MOCOS: variants seen among roughly 807,000 people sequenced by gnomAD.
MOCOS encodes the protein human molybdenum cofactor sulfurase.
A neutral mutation model predicts 83.6 loss-of-function variants in MOCOS; 86 were observed. The ratio of observed to expected loss-of-function variants is 1.03; its 90% CI spans 0.86 to 1.23. The LOEUF (loss-of-function observed/expected upper bound fraction) is 1.23, where lower values mean the gene tolerates loss of function less well. MOCOS is among the 50% of genes most tolerant of loss of function. MOCOS has a pLI of 0.00. For synonymous variants in MOCOS, 445 were observed against 434.7 expected (o/e 1.02, Z -0.29); for missense variants, 1,120 against 1,126.9 (o/e 0.99, Z 0.09).
At chr18:36,215,136 T>C (rs1437225880) in intron 7 of MOCOS, among the ~76,000 whole-genome samples, 1 of 152,200 alleles carries the variant, frequency 6.6e-6, no homozygotes, top group Non-Finnish European at 1.5e-5. Context: ...GTGATGTTTC[T>C]CCCATCTCAG....
intron 2 of MOCOS, among the ~76,000 whole-genome samples, chr18:36,197,969 T>C (rs2091396293): frequency 6.6e-6 from 1 of 152,220 alleles, no homozygotes; most frequent in South Asian, 2.1e-4. Context: ...TACAATTCTT[T>C]TGCTGGACAT....
chr18:36,264,310 G>T (rs182249058), intron 13 of MOCOS, among the ~76,000 whole-genome samples: 1 of 150,120 alleles, frequency 6.7e-6, no homozygotes, highest in Non-Finnish European at 1.5e-5. Flanking sequence ...TGCCTGTCGG[G>T]TGGCTGCTAG....
intron 9 of MOCOS, among the ~76,000 whole-genome samples, chr18:36,241,298 TG>T (rs2091581817): frequency 6.6e-6 from 1 of 152,130 alleles, no homozygotes; most frequent in South Asian, 2.1e-4. Context: ...CAAGATATAA[TG>T]GGGTACAATA....
At position 36,266,138 on chromosome 18, in the gene MOCOS, C is replaced by T. The variant is rs553455266; in HGVS notation, c.2410-611C>T. Among the ~76,000 whole-genome samples the T allele has an allele frequency of 3.2e-3, 484 of 152,098 alleles. 5 individuals carry two copies. Among genetic ancestry groups the T allele is most frequent in the Admixed American group, 4.9e-3 (75 of 15,274 alleles). The stretch of plus-strand genomic sequence containing the variant: ...CTCACAGGGGCCAGCGCTGGCTCTG[C>T]GACCTCCTCCTCCTCTTTCTTCTTT... On this transcript the variant is annotated intron_variant, in intron 13 of 14. Transcript: ENST00000261326.
chr18:36,242,102 T>C lies in MOCOS; in HGVS notation c.1961-6820T>C, dbSNP rs371898273. Among the ~76,000 whole-genome samples the C allele has an allele frequency of 4.2e-4, 64 of 152,378 alleles. 1 individual carries two copies. The highest frequency in any genetic ancestry group is 1.4e-3 in the African/African-American group (60 of 41,596). Reference sequence around the variant, plus strand: ...TTAACATTTGGCTCCTGGTTACTTATGCAAATTTCTACAGCAGCGTTGAAT... The same window carrying C: ...TTAACATTTGGCTCCTGGTTACTTACGCAAATTTCTACAGCAGCGTTGAAT... On this transcript the variant is annotated intron_variant, in intron 9 of 14. Coordinates refer to ENST00000261326, the MANE Select transcript of MOCOS (RefSeq NM_017947.4).
chr18:36,197,201 C>T (rs1401510938), intron 2 of MOCOS, among the ~76,000 whole-genome samples: 1 of 152,168 alleles, frequency 6.6e-6, no homozygotes, highest in African/African-American at 2.4e-5. Flanking sequence ...GGAAAGGCAT[C>T]AGCAGTGGTG....
In MOCOS at chr18:36,248,863, A is replaced by G; in HGVS notation, c.1961-59A>G. On this transcript the variant is annotated intron_variant, in intron 9 of 14. Coordinates refer to ENST00000261326, the MANE Select transcript of MOCOS (RefSeq NM_017947.4). ...ACTACAGCTTTGTAGTATATTTTGA[A>G]GTCAAGTAGCTGTTGTTTTTACATA... The G allele has an allele frequency of 2.2e-6, 3 of 1,369,390 alleles. No individual in the cohort carries two copies. In the South Asian group the frequency reaches 3.6e-5, roughly 16 times the overall value. The allele number at this position is 1,369,390 out of a possible 1,614,324, so 84.8% of individuals were successfully genotyped here. A position where few individuals can be genotyped will look rare whatever the true frequency, so the allele number is the denominator to read the frequency against.
chr18:36,213,598 C>A, intron 7 of MOCOS, 116 bp downstream of exon 7: 1 of 852,298 alleles, frequency 1.2e-6, no homozygotes, highest in Non-Finnish European at 2.0e-6. Context: ...CACGCCTACT[C>A]TGTGCATGTA....
intron 1 of MOCOS, among the ~76,000 whole-genome samples, chr18:36,190,490 CT>C (rs2091360761): frequency 6.6e-6 from 1 of 152,144 alleles, no homozygotes. Flanking sequence ...TGGCTCAAGC[CT>C]GTAATCCTAG....
At chr18:36,261,561 T>C (rs1167549573) in intron 13 of MOCOS, among the ~76,000 whole-genome samples, 1 of 152,192 alleles carries the variant, frequency 6.6e-6, no homozygotes, top group East Asian at 1.9e-4. Flanking sequence ...TTTGAATCTT[T>C]ATTAAAGAAT....
chr18:36,231,071 G>A (rs948486605), intron 9 of MOCOS, among the ~76,000 whole-genome samples: 1 of 152,042 alleles, frequency 6.6e-6, no homozygotes, highest in African/African-American at 2.4e-5. Flanking sequence ...TTTATTGTAG[G>A]TTTTTGATTG....
At chr18:36,264,637 G>T (rs1031902080) in intron 13 of MOCOS, among the ~76,000 whole-genome samples, 2 of 152,130 alleles carry the variant, frequency 1.3e-5, no homozygotes, top group Admixed American at 1.3e-4. Flanking sequence ...GAGGTCACAG[G>T]TTTGCCAAGT....
At position 36,257,152 on chromosome 18, in the gene MOCOS, C is replaced by T. The variant is rs867784250; in HGVS notation, c.2270+79C>T. On this transcript the variant is annotated intron_variant, in intron 12 of 14. Transcript: ENST00000261326. ...AGCAGGGCCTGGCACCTGCCTGGAG[C>T]GGAGAGATCTGAGAGTCATGAAGTT... The T allele has an allele frequency of 9.0e-5, 112 of 1,239,558 alleles. No homozygotes were observed. In the Middle Eastern group the frequency reaches 2.0e-3, roughly 23 times the overall value. The allele number at this position is 1,239,558 out of a possible 1,614,324, so 76.8% of individuals were successfully genotyped here.
chr18:36,193,083 G>A lies in MOCOS; in HGVS notation c.143-2174G>A, dbSNP rs185213469. 1.8e-3 allele frequency among the ~76,000 whole-genome samples: 276 copies of A among 150,246 alleles called. 1 individual carries two copies. Among genetic ancestry groups the A allele is most frequent in the South Asian group, 6.2e-3 (29 of 4,708 alleles). ...TCCCAGCACTTTGGGAGGCTGAGGC[G>A]GGTGGATCATGAGGTCAGGAGATCG... On this transcript the variant is annotated intron_variant, in intron 1 of 14. Transcript: ENST00000261326.
intron 9 of MOCOS, among the ~76,000 whole-genome samples, chr18:36,242,391 A>C (rs2091587142): frequency 6.6e-6 from 1 of 152,226 alleles, no homozygotes. Context: ...CATTTTGGTC[A>C]AAACCATTCA....
intron 9 of MOCOS, among the ~76,000 whole-genome samples, chr18:36,247,194 A>C (rs2091605740): frequency 6.6e-6 from 1 of 151,930 alleles, no homozygotes; most frequent in Non-Finnish European, 1.5e-5. Flanking sequence ...GGCCAGTCTC[A>C]CTCCCACTGT....
chr18:36,203,245 C>T, intron 5 of MOCOS, 56 bp downstream of exon 5: 1 of 1,494,008 alleles, frequency 6.7e-7, no homozygotes. Context: ...CTTGAGGGAG[C>T]TCTGGCACAG....
At position 36,199,894 on chromosome 18, in the gene MOCOS, C is replaced by T; in HGVS notation, c.511C>T (p.Pro171Ser). The change falls in exon 4 of 15, where the codon CCG becomes TCG. Residue 171 changes from proline to serine, a missense_variant. Transcript: ENST00000261326. ...CATGGCTATAAATGTCATATCCACC[C>T]CGGTCAGGCCAGAGGACCTGTGGTC... ...VTMAINVIST[P>S]VRPEDLWSAE... 6.2e-7 allele frequency: 1 copy of T among 1,614,008 alleles called. No homozygotes were observed. The highest frequency in any genetic ancestry group is 1.3e-5 in the African/African-American group (1 of 75,042).
chr18:36,250,143 C>T (rs575532635), intron 10 of MOCOS, among the ~76,000 whole-genome samples: 4 of 152,172 alleles, frequency 2.6e-5, no homozygotes, highest in African/African-American at 9.6e-5. Context: ...CCCCTTTCAC[C>T]CCCGCCCATA....
Sources: allele counts gnomAD v4.1 joint callset (sites outside exome capture counted in the v4.1 genomes callset), GRCh38; gene constraint gnomAD v4.1.1; transcripts MANE v1.5; gene names NCBI Gene and HGNC (gene_info 2026-07-23, HGNC 2026-07-21).